The following SBF2 variants were observed in gnomAD, a reference collection of about 807,000 sequenced individuals.
SBF2 encodes the protein myotubularin-related protein 13.
In SBF2, 112 loss-of-function variants were observed where a neutral mutation model predicts 225.2. That is an observed-to-expected ratio of 0.50 (90% confidence interval 0.43 to 0.58). The LOEUF (loss-of-function observed/expected upper bound fraction) is 0.58, where lower values mean the gene tolerates loss of function less well. SBF2 is among the 20% of genes least tolerant of loss of function. The pLI is 0.00. For missense variants in SBF2, 1,996 were observed against 2,206.2 expected (o/e 0.90, Z 1.91); for synonymous variants, 763 against 773.3 (o/e 0.99, Z 0.22).
At chr11:10,237,849 A>G (rs559023236) in intron 1 of SBF2, among the ~76,000 whole-genome samples, 14 of 152,220 alleles carry the variant, frequency 9.2e-5, no homozygotes, top group Non-Finnish European at 1.3e-4. Flanking sequence ...TAATTAGTTT[A>G]GAATTGCATG....
chr11:10,106,447 C>T (rs578007790), intron 2 of SBF2, among the ~76,000 whole-genome samples: 10 of 151,852 alleles, frequency 6.6e-5, no homozygotes, highest in Admixed American at 5.2e-4. Context: ...GCCAACATGG[C>T]GAAACCCCAT....
In SBF2 at chr11:9,816,961, A is replaced by G. The variant is rs869312963; in HGVS notation, c.3857T>C (p.Val1286Ala). 1 of 1,614,200 alleles carries G rather than the reference A, an allele frequency of 6.2e-7. No individual in the cohort carries two copies. The highest frequency in any genetic ancestry group is 8.5e-7 in the Non-Finnish European group (1 of 1,180,026). The stretch of plus-strand genomic sequence containing the variant: ...ATCCTTGCCTGCCAGCCGGGCGCCA[A>G]CATCAATGAAGGATGTTGGAGAGCT... ...LISSPTSFIDVGARLAGKDHS... is the reference protein window; with the variant it reads ...LISSPTSFIDAGARLAGKDHS... The change falls in exon 29 of 40, where the codon GTT becomes GCT. Residue 1286 changes from valine to alanine, a missense_variant. By Grantham distance (64) the Val-to-Ala change is moderately conservative. Coordinates refer to ENST00000256190, the MANE Select transcript of SBF2 (RefSeq NM_030962.4).
intron 22 of SBF2, among the ~76,000 whole-genome samples, chr11:9,847,298 T>G (rs980972707): frequency 6.6e-6 from 1 of 152,056 alleles, no homozygotes. Context: ...CAGGAAGCAG[T>G]AGAAGGGATC....
At chr11:10,255,409 G>C (rs1003088263) in intron 1 of SBF2, among the ~76,000 whole-genome samples, 32 of 152,128 alleles carry the variant, frequency 2.1e-4, no homozygotes, top group African/African-American at 6.8e-4. Context: ...AAATCTACTG[G>C]TTTGTCAAGT....
At chr11:9,812,088 G>T (rs1056072576) in intron 30 of SBF2, among the ~76,000 whole-genome samples, 2 of 151,920 alleles carry the variant, frequency 1.3e-5, no homozygotes, top group African/African-American at 2.4e-5. Flanking sequence ...GCCTTTGGTG[G>T]GTAGTGTGGG....
chr11:10,069,570 T>G (rs1950779189), intron 2 of SBF2, among the ~76,000 whole-genome samples: 1 of 152,226 alleles, frequency 6.6e-6, no homozygotes, highest in African/African-American at 2.4e-5. Context: ...TGATGGGCAT[T>G]TGGGTTGGCT....
Position 10,000,954 on chromosome 11 carries a change from A to T in SBF2, c.821T>A (p.Ile274Asn), listed in dbSNP as rs1947928907. 1 of 1,606,304 alleles carries T rather than the reference A, an allele frequency of 6.2e-7. No homozygotes were observed. Among genetic ancestry groups the T allele is most frequent in the African/African-American group, 1.3e-5 (1 of 74,752 alleles). The change falls in exon 8 of 40, where the codon ATT (isoleucine) becomes AAT (asparagine). Residue 274 changes from isoleucine to asparagine, a missense_variant. Ile to Asn is a moderately radical substitution (Grantham distance 149). Coordinates refer to ENST00000256190, the MANE Select transcript of SBF2 (RefSeq NM_030962.4). Reference protein sequence around the residue: ...EVLSSPTPFIIGVHSVFKTDV... With the variant: ...EVLSSPTPFINGVHSVFKTDV... Reference sequence around the variant, plus strand: ...AGTTTTAAAGACAGAATGTACTCCAATAATGAAAGGCGTTGGGGAACTTAG... The same window carrying T: ...AGTTTTAAAGACAGAATGTACTCCATTAATGAAAGGCGTTGGGGAACTTAG...
chr11:10,228,867 G>C (rs1296803495), intron 1 of SBF2, among the ~76,000 whole-genome samples: 4 of 152,120 alleles, frequency 2.6e-5, no homozygotes, highest in Admixed American at 6.5e-5. Flanking sequence ...TTTTTCCATT[G>C]ATTGGAATAG....
chr11:10,238,830 T>A (rs552844124), intron 1 of SBF2, among the ~76,000 whole-genome samples: 1 of 150,912 alleles, frequency 6.6e-6, no homozygotes, highest in Non-Finnish European at 1.5e-5. Flanking sequence ...AAAGAATCAC[T>A]TGAACCTGGG....
At chr11:10,252,832 AAT>A (rs1960502171) in intron 1 of SBF2, among the ~76,000 whole-genome samples, 1 of 136,606 alleles carries the variant, frequency 7.3e-6, no homozygotes, top group African/African-American at 2.5e-5. Flanking sequence ...AAAAAAAAAA[AAT>A]CAAAAAAAAG....
At chr11:10,059,152 C>T (rs972416711) in intron 2 of SBF2, among the ~76,000 whole-genome samples, 2 of 152,146 alleles carry the variant, frequency 1.3e-5, no homozygotes, top group African/African-American at 2.4e-5. Context: ...CAAATCCACA[C>T]ATAACAATAT....
chr11:9,794,718 G>C (rs955563050), intron 33 of SBF2, among the ~76,000 whole-genome samples: 3 of 122,528 alleles, frequency 2.4e-5, no homozygotes, highest in Non-Finnish European at 3.4e-5. Flanking sequence ...GACCAGGCCT[G>C]GGGCAGTTGT....
Position 10,031,236 on chromosome 11 carries a change from T to C in SBF2, c.280-66A>G, listed in dbSNP as rs1949244631. ...TCCTAGGTTCATAATTCACAAAAGA[T>C]GAATATCACCTTAAATATAACTTAT... On this transcript the variant is annotated intron_variant, in intron 3 of 39. Transcript: ENST00000256190. 7 of 1,460,246 alleles carry C rather than the reference T, an allele frequency of 4.8e-6. No homozygotes were observed. In the Admixed American group the frequency reaches 6.8e-5, roughly 14 times the overall value. The allele number at this position is 1,460,246 out of a possible 1,614,324, so 90.5% of individuals were successfully genotyped here.
At chr11:10,127,788 G>A (rs1340645739) in intron 2 of SBF2, among the ~76,000 whole-genome samples, 3 of 152,020 alleles carry the variant, frequency 2.0e-5, no homozygotes, top group East Asian at 1.9e-4. Flanking sequence ...AAATAATACA[G>A]AACAGAATAC....
At chr11:9,862,741 T>A (rs958668376) in intron 17 of SBF2, among the ~76,000 whole-genome samples, 14 of 150,660 alleles carry the variant, frequency 9.3e-5, no homozygotes, top group Admixed American at 5.2e-4. Context: ...TTAAAAAAAT[T>A]TTTTTTATTA....
At position 10,294,162 on chromosome 11, in the gene SBF2, A is replaced by G; in HGVS notation, c.-93T>C. On this transcript the variant is annotated 5_prime_UTR_variant, in exon 1 of 40. Transcript: ENST00000256190. ...CGGGAGGGCTCAGCATTTTCCCTGC[A>G]GCGGCAGTAGCGGCAGCGGCAGCGC... 5.6e-6 allele frequency: 5 copies of G among 893,820 alleles called. No homozygotes were observed. The highest frequency in any genetic ancestry group is 7.4e-6 in the Non-Finnish European group (5 of 673,766). The allele number at this position is 893,820 out of a possible 1,614,324, so 55.4% of individuals were successfully genotyped here. A position where few individuals can be genotyped will look rare whatever the true frequency, so the allele number is the denominator to read the frequency against.
chr11:9,871,508 T>TATTATTA (rs59123968), intron 17 of SBF2, among the ~76,000 whole-genome samples: 3 of 148,398 alleles, frequency 2.0e-5, no homozygotes, highest in Admixed American at 2.0e-4. Flanking sequence ...TTATTATTAT[T>TATTATTA]TTGAGATGAG....
At chr11:10,097,779 C>T (rs370018200) in intron 2 of SBF2, among the ~76,000 whole-genome samples, 3 of 152,064 alleles carry the variant, frequency 2.0e-5, no homozygotes, top group East Asian at 1.9e-4. Context: ...CCCCTAAAGC[C>T]GCACAGCCCA....
At chr11:9,790,387 A>G (rs1852664406) in intron 34 of SBF2, among the ~76,000 whole-genome samples, 169 bp downstream of exon 34, 1 of 152,210 alleles carries the variant, frequency 6.6e-6, no homozygotes, top group Non-Finnish European at 1.5e-5. Context: ...AACAGTCTCC[A>G]TTTGTGTCAC....
Sources: gnomAD v4.1 joint callset for allele counts (sites outside exome capture counted in the v4.1 genomes callset) on GRCh38, gnomAD v4.1.1 for gene constraint, MANE v1.5 for transcripts, NCBI Gene and HGNC (gene_info 2026-07-23, HGNC 2026-07-21) for gene names.